EDA: variants seen among roughly 807,000 people sequenced by gnomAD.
EDA encodes the protein ectodysplasin A.
Under a neutral mutation model 23.6 loss-of-function variants are expected in EDA, and 2 were observed. The observed-to-expected ratio is 0.08, with a 90% CI of 0.03 to 0.27. The LOEUF is 0.27. EDA is among the 10% of genes least tolerant of loss of function. The probability of loss-of-function intolerance (pLI) is 1.00; values close to 1 mark genes in which losing one functional copy is unlikely to be tolerated. For synonymous variants in EDA, 131 were observed against 132.0 expected (o/e 0.99, Z 0.05); for missense variants, 229 against 324.2 (o/e 0.71, Z 2.26).
chrX:69,679,526 A>G (rs1934249078), intron 1 of EDA, among the ~76,000 whole-genome samples: 1 of 111,419 alleles, frequency 9.0e-6, no homozygotes, highest in Admixed American at 9.5e-5. Context: ...CAGAGATTCA[A>G]CATCTTCCTT....
intron 1 of EDA, among the ~76,000 whole-genome samples, chrX:69,884,254 G>C (rs1302223487): frequency 9.0e-6 from 1 of 111,457 alleles, no homozygotes; most frequent in Non-Finnish European, 1.9e-5. Flanking sequence ...AAGAAGAAGT[G>C]AACCTATACT....
intron 1 of EDA, among the ~76,000 whole-genome samples, chrX:69,627,811 A>G (rs752000745): frequency 9.0e-6 from 1 of 111,684 alleles, no homozygotes; most frequent in Non-Finnish European, 1.9e-5. Context: ...AAATCAATTC[A>G]TAAACTCTGG....
intron 1 of EDA, among the ~76,000 whole-genome samples, chrX:69,842,520 G>A (rs1346625600): frequency 8.9e-6 from 1 of 111,859 alleles, no homozygotes; most frequent in Non-Finnish European, 1.9e-5. Context: ...AAAATATTGG[G>A]GACCACTGTA....
intron 1 of EDA, among the ~76,000 whole-genome samples, chrX:69,668,430 G>A (rs946236468): frequency 1.8e-5 from 2 of 111,831 alleles, no homozygotes; most frequent in African/African-American, 3.2e-5. Context: ...TGTATATTCA[G>A]CTGCTCTTGG....
intron 1 of EDA, among the ~76,000 whole-genome samples, chrX:69,641,490 TG>T (rs1401426528): frequency 9.0e-6 from 1 of 111,186 alleles, no homozygotes; most frequent in African/African-American, 3.3e-5. Flanking sequence ...TTGAGGAAAA[TG>T]GCTTTAAAGG....
At chrX:69,931,314 G>T (rs1305823193) in intron 1 of EDA, among the ~76,000 whole-genome samples, 1 of 111,541 alleles carries the variant, frequency 9.0e-6, no homozygotes, top group Non-Finnish European at 1.9e-5. Flanking sequence ...ATCTGATAAA[G>T]AACTGTTATC....
At chrX:69,628,147 G>C (rs897691980) in intron 1 of EDA, among the ~76,000 whole-genome samples, 2 of 112,071 alleles carry the variant, frequency 1.8e-5, no homozygotes, top group Non-Finnish European at 3.8e-5. Flanking sequence ...TGTGGTTTGT[G>C]GATTGTTATT....
At chrX:69,714,697 A>T (rs987495400) in intron 1 of EDA, among the ~76,000 whole-genome samples, 2 of 111,457 alleles carry the variant, frequency 1.8e-5, no homozygotes, top group African/African-American at 6.5e-5. Context: ...AGTCATGCAT[A>T]TTTATATGAA....
At chrX:69,780,641 T>G (rs1451268952) in intron 1 of EDA, among the ~76,000 whole-genome samples, 1 of 110,969 alleles carries the variant, frequency 9.0e-6, no homozygotes, top group Non-Finnish European at 1.9e-5. Flanking sequence ...TGGGGACAGA[T>G]TTTTGCCTTG....
chrX:69,948,310 G>T (rs898527172), intron 1 of EDA, among the ~76,000 whole-genome samples: 7 of 112,348 alleles, frequency 6.2e-5, no homozygotes, highest in African/African-American at 1.6e-4. Flanking sequence ...AACTGCCTAG[G>T]AAGCAGAATT....
intron 1 of EDA, among the ~76,000 whole-genome samples, chrX:69,827,046 T>G (rs1454074697): frequency 5.0e-4 from 54 of 108,343 alleles, no homozygotes; most frequent in African/African-American, 6.6e-4. Context: ...CTTCTGGCTT[T>G]TAGAGTTTCT....
intron 1 of EDA, among the ~76,000 whole-genome samples, chrX:69,619,936 C>T (rs1165171871): frequency 9.0e-6 from 1 of 111,647 alleles, no homozygotes; most frequent in Non-Finnish European, 1.9e-5. Context: ...CTTCTACAAT[C>T]AGACAGGAAA....
chrX:69,973,144 T>C (rs1015313968), intron 2 of EDA, among the ~76,000 whole-genome samples: 98 of 111,332 alleles, frequency 8.8e-4, no homozygotes, highest in African/African-American at 3.0e-3. Flanking sequence ...CCAGATAATG[T>C]TTTTATATAC....
At chrX:70,028,897 A>G (rs1337884720) in intron 4 of EDA, among the ~76,000 whole-genome samples, 1 of 112,577 alleles carries the variant, frequency 8.9e-6, no homozygotes, top group Non-Finnish European at 1.9e-5. Context: ...TCCAGGGGCA[A>G]GAATTCTGCA....
At chrX:69,888,979 TA>T (rs1189000049) in intron 1 of EDA, among the ~76,000 whole-genome samples, 2 of 11,272 alleles carry the variant, frequency 1.8e-4, no homozygotes, top group Non-Finnish European at 2.9e-4. Context: ...GTGGGGTAGT[TA>T]TATATATATA....
chrX:69,969,322 T>C (rs1039992490), intron 2 of EDA, among the ~76,000 whole-genome samples: 3 of 112,425 alleles, frequency 2.7e-5, no homozygotes, highest in African/African-American at 9.7e-5. Context: ...TAAAAGGAAA[T>C]GGAAAAGAAT....
chrX:69,709,926 T>C (rs2011907501), intron 1 of EDA, among the ~76,000 whole-genome samples: 1 of 111,636 alleles, frequency 9.0e-6, no homozygotes, highest in African/African-American at 3.3e-5. Flanking sequence ...ATTGCAAAAA[T>C]TTTCTCCCAT....
At chrX:69,769,152 G>A (rs917744693) in intron 1 of EDA, among the ~76,000 whole-genome samples, 2 of 111,474 alleles carry the variant, frequency 1.8e-5, no homozygotes, top group Admixed American at 9.6e-5. Flanking sequence ...ACTCGTCAAT[G>A]CTGAGTTGTG....
chrX:69,885,934 T>G (rs1415706097), intron 1 of EDA, among the ~76,000 whole-genome samples: 2 of 111,943 alleles, frequency 1.8e-5, no homozygotes, highest in Non-Finnish European at 3.8e-5. Flanking sequence ...AATAACACTG[T>G]AACTTATCTC....
Sources: allele counts gnomAD v4.1 joint callset (sites outside exome capture counted in the v4.1 genomes callset), GRCh38; gene constraint gnomAD v4.1.1; transcripts MANE v1.5; gene names NCBI Gene and HGNC (gene_info 2026-07-23, HGNC 2026-07-21).